DPYD: variants seen among roughly 807,000 people sequenced by gnomAD.
DPYD encodes the protein dihydropyrimidine dehydrogenase.
Under a neutral mutation model 116.2 loss-of-function variants are expected in DPYD, and 109 were observed. That is an observed-to-expected ratio of 0.94 (90% CI 0.80 to 1.10). DPYD has a LOEUF of 1.10. DPYD is among the 50% of genes least tolerant of loss of function. The pLI is 0.00. For missense variants in DPYD, 1,302 were observed against 1,254.5 expected (o/e 1.04, Z -0.57); for synonymous variants, 440 against 432.0 (o/e 1.02, Z -0.23).
intron 20 of DPYD, among the ~76,000 whole-genome samples, chr1:97,178,200 A>T (rs1032125975): frequency 2.0e-5 from 3 of 152,296 alleles, no homozygotes; most frequent in Middle Eastern, 3.4e-3. Context: ...TCAGACTACT[A>T]GTGGAGTGAT....
chr1:97,344,016 A>C (rs564132825), intron 16 of DPYD, among the ~76,000 whole-genome samples: 1 of 152,046 alleles, frequency 6.6e-6, no homozygotes, highest in Non-Finnish European at 1.5e-5. Context: ...AAATTACACT[A>C]ATAATTGCAA....
At chr1:97,663,888 G>A (rs1347797954) in intron 8 of DPYD, among the ~76,000 whole-genome samples, 1 of 152,130 alleles carries the variant, frequency 6.6e-6, no homozygotes, top group African/African-American at 2.4e-5. Flanking sequence ...TTTTCCTACA[G>A]AGGCTTATAG....
intron 5 of DPYD, among the ~76,000 whole-genome samples, chr1:97,712,884 T>C (rs762812938): frequency 2.6e-4 from 39 of 152,234 alleles, no homozygotes; most frequent in Non-Finnish European, 5.0e-4. Flanking sequence ...TATTAAACTT[T>C]CTATGAGGTG....
chr1:97,127,109 A>G (rs1652902707), intron 20 of DPYD, among the ~76,000 whole-genome samples: 1 of 152,182 alleles, frequency 6.6e-6, no homozygotes, highest in African/African-American at 2.4e-5. Context: ...TGACACATTC[A>G]ATTGGAGGAT....
chr1:97,483,482 A>G (rs1461665472), intron 13 of DPYD, among the ~76,000 whole-genome samples: 1 of 152,162 alleles, frequency 6.6e-6, no homozygotes, highest in East Asian at 1.9e-4. Context: ...GAGGCGAACG[A>G]CACTGACTCG....
At chr1:97,366,899 C>T (rs1671067699) in intron 16 of DPYD, among the ~76,000 whole-genome samples, 1 of 152,032 alleles carries the variant, frequency 6.6e-6, no homozygotes, top group South Asian at 2.1e-4. Context: ...TCTTATATTC[C>T]CAAACTCCTG....
intron 3 of DPYD, among the ~76,000 whole-genome samples, chr1:97,787,969 T>C (rs1477273359): frequency 6.6e-6 from 1 of 152,206 alleles, no homozygotes; most frequent in Non-Finnish European, 1.5e-5. Context: ...CAGGTTAAAT[T>C]GCCATTGCAA....
At chr1:97,494,157 C>T (rs577051958) in intron 13 of DPYD, among the ~76,000 whole-genome samples, 6 of 152,216 alleles carry the variant, frequency 3.9e-5, no homozygotes, top group Admixed American at 6.5e-5. Context: ...GAAAATGGAC[C>T]TGGTATACAG....
chr1:97,856,554 T>C (rs977027215), intron 2 of DPYD: 2 of 152,178 alleles, frequency 1.3e-5, no homozygotes, highest in African/African-American at 4.8e-5. Context: ...GACAAATTAT[T>C]AACAATTTAC....
At chr1:97,338,664 A>G (rs1432010648) in intron 16 of DPYD, among the ~76,000 whole-genome samples, 1 of 152,178 alleles carries the variant, frequency 6.6e-6, no homozygotes, top group East Asian at 1.9e-4. Flanking sequence ...CCTTGGACCT[A>G]GAGAGTCTTA....
chr1:97,816,091 CACT>C (rs1668591555), intron 3 of DPYD, among the ~76,000 whole-genome samples: 2 of 150,862 alleles, frequency 1.3e-5, no homozygotes, highest in Admixed American at 6.6e-5. Flanking sequence ...GATGGATTCT[CACT>C]ACATTGCCTA....
intron 6 of DPYD, among the ~76,000 whole-genome samples, chr1:97,697,682 T>TA (rs1661381403): frequency 1.3e-5 from 2 of 152,000 alleles, no homozygotes; most frequent in Non-Finnish European, 1.5e-5. Flanking sequence ...TCTGTCTCAC[T>TA]AAAAAAATGT....
intron 5 of DPYD, among the ~76,000 whole-genome samples, chr1:97,706,213 ATAAT>A (rs1557896450): frequency 6.6e-6 from 1 of 152,082 alleles, no homozygotes; most frequent in Non-Finnish European, 1.5e-5. Flanking sequence ...GCTGGTTATT[ATAAT>A]TAATAAATTA....
chr1:97,200,791 AAATG>A (rs1201146909), intron 19 of DPYD, among the ~76,000 whole-genome samples: 1 of 152,194 alleles, frequency 6.6e-6, no homozygotes, highest in Non-Finnish European at 1.5e-5. Flanking sequence ...CAGACTGGCT[AAATG>A]ATCTGTGCAT....
chr1:97,711,952 T>C (rs1231531033), intron 5 of DPYD, among the ~76,000 whole-genome samples: 2 of 152,042 alleles, frequency 1.3e-5, no homozygotes, highest in Non-Finnish European at 2.9e-5. Context: ...GAATAACTCT[T>C]AGTAGATGCA....
chr1:97,570,746 T>C (rs752112942), intron 11 of DPYD, among the ~76,000 whole-genome samples: 1 of 151,812 alleles, frequency 6.6e-6, no homozygotes, highest in African/African-American at 2.4e-5. Flanking sequence ...TGCAAATCTC[T>C]CTTAATGTAC....
chr1:97,382,855 A>T (rs150937234), intron 14 of DPYD, among the ~76,000 whole-genome samples: 1,553 of 152,070 alleles, frequency 0.01, 15 homozygotes, highest in Middle Eastern at 0.02. Flanking sequence ...GTTTGTAATT[A>T]CTGGTACAGT....
chr1:97,804,278 C>T (rs941271895), intron 3 of DPYD, among the ~76,000 whole-genome samples: 2 of 151,594 alleles, frequency 1.3e-5, no homozygotes, highest in African/African-American at 4.8e-5. Context: ...AAGGATCAAA[C>T]TACAAGAATA....
At chr1:97,746,628 T>C (rs1015327711) in intron 3 of DPYD, among the ~76,000 whole-genome samples, 1 of 152,040 alleles carries the variant, frequency 6.6e-6, no homozygotes, top group African/African-American at 2.4e-5. Context: ...TGGTATACAG[T>C]GGTGGAATAC....
Sources: allele counts gnomAD v4.1 joint callset (sites outside exome capture counted in the v4.1 genomes callset), GRCh38; gene constraint gnomAD v4.1.1; transcripts MANE v1.5; gene names NCBI Gene and HGNC (gene_info 2026-07-23, HGNC 2026-07-21).